CNIH3: variants seen among roughly 807,000 people sequenced by gnomAD.
CNIH3 encodes the protein protein cornichon homolog 3.
Under a neutral mutation model 24.1 loss-of-function variants are expected in CNIH3, and 14 were observed. The ratio of observed to expected loss-of-function variants is 0.58; its 90% CI spans 0.38 to 0.91. The LOEUF (loss-of-function observed/expected upper bound fraction) is 0.91, where lower values mean the gene tolerates loss of function less well. CNIH3 is among the 40% of genes least tolerant of loss of function. The probability of loss-of-function intolerance (pLI) is 0.00; values close to 1 mark genes in which losing one functional copy is unlikely to be tolerated. For synonymous variants in CNIH3, 68 were observed against 73.8 expected, an observed-to-expected ratio of 0.92 and a Z score of 0.40; for missense variants, 178 against 196.8, an observed-to-expected ratio of 0.90 and a Z score of 0.57.
At chr1:224,626,516 T>C (rs999425600) in intron 1 of CNIH3, among the ~76,000 whole-genome samples, 1 of 152,202 alleles carries the variant, frequency 6.6e-6, no homozygotes, top group African/African-American at 2.4e-5. Context: ...ATCTAAAGAT[T>C]AGGCTGATAG....
chr1:224,574,962 G>T (rs1680973579), intron 4 of CNIH3: 4 of 891,860 alleles, frequency 4.5e-6, no homozygotes, highest in South Asian at 1.3e-5. Flanking sequence ...AAACAAACCT[G>T]ACTTAAAGTA....
At chr1:224,452,253 G>T (rs1675432152) in intron 1 of CNIH3, among the ~76,000 whole-genome samples, 1 of 150,970 alleles carries the variant, frequency 6.6e-6, no homozygotes, top group South Asian at 2.1e-4. Context: ...GGGTTCAAGT[G>T]ATTCTCCTGC....
intron 1 of CNIH3, among the ~76,000 whole-genome samples, chr1:224,679,863 A>G (rs1686316256): frequency 6.6e-6 from 1 of 152,130 alleles, no homozygotes; most frequent in Non-Finnish European, 1.5e-5. Flanking sequence ...GACCCCTGGG[A>G]TGTGCCTTCC....
At chr1:224,525,914 A>C (rs1032986965) in intron 2 of CNIH3, among the ~76,000 whole-genome samples, 1 of 152,094 alleles carries the variant, frequency 6.6e-6, no homozygotes, top group Admixed American at 6.5e-5. Flanking sequence ...CCTGCCATAC[A>C]CTGGAGAATG....
At chr1:224,602,361 A>G (rs1210753828) in intron 3 of CNIH3, among the ~76,000 whole-genome samples, 1 of 152,212 alleles carries the variant, frequency 6.6e-6, no homozygotes, top group Non-Finnish European at 1.5e-5. Context: ...GGTTACTTCT[A>G]TAATATTTTA....
intron 1 of CNIH3, among the ~76,000 whole-genome samples, chr1:224,504,406 G>A (rs1001262899): frequency 6.6e-6 from 1 of 152,190 alleles, no homozygotes; most frequent in Non-Finnish European, 1.5e-5. Context: ...CAGACTGGCT[G>A]AAATTCTGGG....
chr1:224,467,363 C>G (rs757833084), intron 1 of CNIH3, among the ~76,000 whole-genome samples: 1 of 152,028 alleles, frequency 6.6e-6, no homozygotes, highest in Non-Finnish European at 1.5e-5. Flanking sequence ...GGAGCTTTCA[C>G]AGAGCAAAAT....
downstream of CNIH3, among the ~76,000 whole-genome samples, chr1:224,590,457 G>A (rs1237804961): frequency 6.6e-6 from 1 of 152,116 alleles, no homozygotes; most frequent in Non-Finnish European, 1.5e-5. Flanking sequence ...CAGAATACCT[G>A]AGACTGGGTA....
chr1:224,639,185 CT>C (rs1176356936), intron 1 of CNIH3, among the ~76,000 whole-genome samples: 1 of 152,240 alleles, frequency 6.6e-6, no homozygotes, highest in Non-Finnish European at 1.5e-5. Flanking sequence ...GACCTTTGAG[CT>C]CTCTCTTCCA....
chr1:224,619,119 C>A (rs1683164691), intron 1 of CNIH3, among the ~76,000 whole-genome samples: 1 of 152,210 alleles, frequency 6.6e-6, no homozygotes, highest in Non-Finnish European at 1.5e-5. Context: ...TACCAGAGAG[C>A]TCCCTCAAAC....
At chr1:224,464,269 G>A (rs1676065204) in intron 1 of CNIH3, among the ~76,000 whole-genome samples, 1 of 151,758 alleles carries the variant, frequency 6.6e-6, no homozygotes, top group Non-Finnish European at 1.5e-5. Flanking sequence ...ATAGTTTTAG[G>A]TTATTCATTT....
chr1:224,683,954 T>C (rs1686524822), intron 2 of CNIH3, among the ~76,000 whole-genome samples: 1 of 152,260 alleles, frequency 6.6e-6, no homozygotes, highest in African/African-American at 2.4e-5. Flanking sequence ...CAGGAATCAC[T>C]ATATTTATGA....
At chr1:224,479,446 G>A (rs1222788707) in intron 1 of CNIH3, among the ~76,000 whole-genome samples, 5 of 151,298 alleles carry the variant, frequency 3.3e-5, no homozygotes, top group East Asian at 2.0e-4. Context: ...GAGCCACTGC[G>A]CCCGGCAGTC....
intron 1 of CNIH3, among the ~76,000 whole-genome samples, chr1:224,646,844 G>A (rs1036433586): frequency 6.6e-6 from 1 of 152,198 alleles, no homozygotes; most frequent in Non-Finnish European, 1.5e-5. Context: ...GAGTATGAGT[G>A]CTGGTGTCCA....
At chr1:224,576,720 C>G (rs369607236) in intron 4 of CNIH3, among the ~76,000 whole-genome samples, 1 of 152,042 alleles carries the variant, frequency 6.6e-6, no homozygotes. Context: ...TTTTCTAGAG[C>G]CCACATAGTG....
chr1:224,587,054 C>T (rs1396839199), intron 5 of CNIH3: 2 of 152,224 alleles, frequency 1.3e-5, no homozygotes, highest in Admixed American at 1.3e-4. Flanking sequence ...GTTGCAACAG[C>T]CCTAGAAAGT....
chr1:224,657,276 AC>A (rs949597318), intron 1 of CNIH3, among the ~76,000 whole-genome samples: 2 of 151,918 alleles, frequency 1.3e-5, no homozygotes, highest in Non-Finnish European at 2.9e-5. Context: ...AAGAGCCAAA[AC>A]CCCGAAGCCA....
At chr1:224,638,656 A>G (rs1206012229) in intron 1 of CNIH3, among the ~76,000 whole-genome samples, 1 of 152,196 alleles carries the variant, frequency 6.6e-6, no homozygotes, top group Non-Finnish European at 1.5e-5. Flanking sequence ...ACGTGGGTTC[A>G]GGACTCTGAA....
At chr1:224,558,877 C>G (rs1680250852) in intron 3 of CNIH3, among the ~76,000 whole-genome samples, 1 of 152,146 alleles carries the variant, frequency 6.6e-6, no homozygotes, top group African/African-American at 2.4e-5. Context: ...TCATTTTCAG[C>G]TTTTTAAAGT....
Sources: allele counts gnomAD v4.1 joint callset (sites outside exome capture counted in the v4.1 genomes callset), GRCh38; gene constraint gnomAD v4.1.1; transcripts MANE v1.5; gene names NCBI Gene and HGNC (gene_info 2026-07-23, HGNC 2026-07-21).